Variants in MEIKIN observed in about 807,000 individuals in gnomAD.
MEIKIN encodes the protein meiosis-specific kinetochore protein.
chr5:131,926,708 A>G (rs1751593124), intron 5 of MEIKIN, among the ~76,000 whole-genome samples: 1 of 152,158 alleles, frequency 6.6e-6, no homozygotes, highest in African/African-American at 2.4e-5. Flanking sequence ...CAATCTCCTT[A>G]CTAGTTATAG....
At chr5:131,814,524 G>T (rs180873645) in intron 12 of MEIKIN, among the ~76,000 whole-genome samples, 61 of 151,856 alleles carry the variant, frequency 4.0e-4, no homozygotes, top group Non-Finnish European at 7.2e-4. Context: ...CGATCCACTC[G>T]CCTCAACCTC....
At chr5:131,902,929 T>C (rs765433296) in intron 8 of MEIKIN, among the ~76,000 whole-genome samples, 3 of 152,144 alleles carry the variant, frequency 2.0e-5, no homozygotes, top group South Asian at 2.1e-4. Context: ...CCAGAGCTGA[T>C]AGACAAAATG....
chr5:131,838,505 C>T (rs1211176839), intron 11 of MEIKIN, among the ~76,000 whole-genome samples: 6 of 151,700 alleles, frequency 4.0e-5, no homozygotes, highest in Non-Finnish European at 8.8e-5. Context: ...GGTTGGTAGG[C>T]TTATTACTTA....
chr5:131,929,822 G>A (rs144194556), intron 5 of MEIKIN, among the ~76,000 whole-genome samples: 18 of 152,226 alleles, frequency 1.2e-4, no homozygotes, highest in Non-Finnish European at 1.9e-4. Context: ...TTAGGATAAC[G>A]GTCTCTAGCT....
chr5:131,844,546 C>T (rs184483847), intron 11 of MEIKIN, among the ~76,000 whole-genome samples: 10 of 152,050 alleles, frequency 6.6e-5, no homozygotes, highest in East Asian at 5.8e-4. Context: ...GTTTATAGGG[C>T]GGAATACCAG....
At chr5:131,840,729 TTGTC>T (rs1432653859) in intron 11 of MEIKIN, among the ~76,000 whole-genome samples, 11 of 152,216 alleles carry the variant, frequency 7.2e-5, no homozygotes, top group Non-Finnish European at 1.5e-4. Flanking sequence ...TACTGGCTTT[TTGTC>T]TGTTAGCTCC....
At chr5:131,906,641 GA>G (rs1184087407) in intron 8 of MEIKIN, among the ~76,000 whole-genome samples, 2 of 151,802 alleles carry the variant, frequency 1.3e-5, no homozygotes, top group East Asian at 1.9e-4. Flanking sequence ...GTAGACTAGA[GA>G]AAAAAAATGT....
intron 8 of MEIKIN, among the ~76,000 whole-genome samples, chr5:131,899,600 C>T (rs1751120572): frequency 6.7e-6 from 1 of 149,100 alleles, no homozygotes; most frequent in Non-Finnish European, 1.5e-5. Flanking sequence ...AAACACACTT[C>T]ACCTATAAAG....
chr5:131,833,800 G>C (rs951904935), intron 11 of MEIKIN, among the ~76,000 whole-genome samples: 8 of 151,950 alleles, frequency 5.3e-5, no homozygotes, highest in Non-Finnish European at 7.4e-5. Context: ...ATTTGGGTGG[G>C]GACACAGCCA....
intron 8 of MEIKIN, among the ~76,000 whole-genome samples, chr5:131,895,966 A>C (rs550219207): frequency 2.8e-4 from 42 of 151,944 alleles, no homozygotes; most frequent in Non-Finnish European, 5.3e-4. Flanking sequence ...TAGTTCTTTT[A>C]ATTGTGATGT....
At chr5:131,917,945 C>T (rs1251563525) in intron 6 of MEIKIN, among the ~76,000 whole-genome samples, 1 of 151,866 alleles carries the variant, frequency 6.6e-6, no homozygotes, top group Non-Finnish European at 1.5e-5. Context: ...CATTTTTTTT[C>T]CCCCGAGGGT....
intron 9 of MEIKIN, among the ~76,000 whole-genome samples, chr5:131,877,439 T>A (rs1023109631): frequency 3.9e-5 from 6 of 152,122 alleles, no homozygotes; most frequent in Non-Finnish European, 7.4e-5. Flanking sequence ...ACCCAGGAGT[T>A]CAAGGCCAGC....
At chr5:131,886,926 A>G (rs950641115) in intron 8 of MEIKIN, among the ~76,000 whole-genome samples, 4 of 147,106 alleles carry the variant, frequency 2.7e-5, no homozygotes, top group South Asian at 2.3e-4. Context: ...TACATTAGGT[A>G]TATCTCCTAA....
chr5:131,885,521 CA>C, intron 8 of MEIKIN, among the ~76,000 whole-genome samples: 1 of 152,174 alleles, frequency 6.6e-6, no homozygotes, highest in South Asian at 2.1e-4. Flanking sequence ...TATCTAAGAC[CA>C]CCAAGGTGGT....
chr5:131,938,319 C>T lies in MEIKIN; in HGVS notation c.349+4316G>A, dbSNP rs139485864. On this transcript the variant is annotated intron_variant, in intron 4 of 12. Transcript: ENST00000442687. ...AGTAGCTGAGATTAGAGGTGCACAC[C>T]GCCATGCCCGGCTAATTTTTTGTAT... 6.2e-4 allele frequency among the ~76,000 whole-genome samples: 95 copies of T among 152,016 alleles called. 1 individual carries two copies. Among genetic ancestry groups the T allele is most frequent in the African/African-American group, 2.3e-3 (94 of 41,464 alleles).
intron 7 of MEIKIN, 144 bp from the exon 8 acceptor site, chr5:131,912,023 T>A (rs554852386): frequency 5.2e-6 from 2 of 382,190 alleles, no homozygotes; most frequent in South Asian, 2.9e-4. Flanking sequence ...AAAAATGTTA[T>A]GGTATTTATA....
intron 11 of MEIKIN, among the ~76,000 whole-genome samples, chr5:131,825,003 T>G (rs764046271): frequency 6.6e-6 from 1 of 151,212 alleles, no homozygotes; most frequent in Non-Finnish European, 1.5e-5. Context: ...CTGGGTAATA[T>G]AGGGAGACTT....
chr5:131,890,721 T>A (rs1173232382), intron 8 of MEIKIN, among the ~76,000 whole-genome samples: 1 of 152,248 alleles, frequency 6.6e-6, no homozygotes, highest in Non-Finnish European at 1.5e-5. Flanking sequence ...TTTCCTTCAG[T>A]GCTGCTCTGA....
At chr5:131,908,950 T>C (rs1350824953) in intron 8 of MEIKIN, among the ~76,000 whole-genome samples, 1 of 152,142 alleles carries the variant, frequency 6.6e-6, no homozygotes, top group East Asian at 1.9e-4. Flanking sequence ...GGAAAGATAT[T>C]CCATGTTCAT....
Sources: gnomAD v4.1 joint callset for allele counts (sites outside exome capture counted in the v4.1 genomes callset) on GRCh38, gnomAD v4.1.1 for gene constraint, MANE v1.5 for transcripts, NCBI Gene and HGNC (gene_info 2026-07-23, HGNC 2026-07-21) for gene names.